CHIC1: variants seen among roughly 807,000 people sequenced by gnomAD.
The protein encoded by CHIC1 is cysteine-rich hydrophobic domain-containing protein 1.
Under a neutral mutation model 18.5 loss-of-function variants are expected in CHIC1, and 7 were observed. That is an observed-to-expected ratio of 0.38 (90% CI 0.22 to 0.71). The LOEUF (loss-of-function observed/expected upper bound fraction) is 0.71. Among genes scored for constraint, CHIC1 ranks in the 30% least tolerant of loss-of-function variants. The pLI, the probability that CHIC1 is intolerant of heterozygous loss-of-function variation, is 0.49. For synonymous variants in CHIC1, 77 were observed against 73.5 expected (o/e 1.05, Z -0.25); for missense variants, 159 against 176.9 (o/e 0.90, Z 0.57).
chrX:73,651,748 C>G (rs921432691), intron 3 of CHIC1, among the ~76,000 whole-genome samples: 2 of 111,395 alleles, frequency 1.8e-5, no homozygotes, highest in South Asian at 3.7e-4. Context: ...AGGACACAAA[C>G]AAATGGAAAA....
intron 3 of CHIC1, among the ~76,000 whole-genome samples, chrX:73,600,328 CT>C (rs2057638012): frequency 1.0e-5 from 1 of 95,827 alleles, no homozygotes; most frequent in Admixed American, 1.1e-4. Flanking sequence ...CCTTTATTTC[CT>C]TCTCCTGCCT....
At chrX:73,672,496 G>C (rs1186919746) in intron 3 of CHIC1, among the ~76,000 whole-genome samples, 1 of 112,291 alleles carries the variant, frequency 8.9e-6, no homozygotes, top group African/African-American at 3.2e-5. Flanking sequence ...TTGTGGTTTT[G>C]ATTTGCATTT....
chrX:73,668,936 G>C (rs2058017236), intron 3 of CHIC1, among the ~76,000 whole-genome samples: 1 of 112,832 alleles, frequency 8.9e-6, no homozygotes, highest in Non-Finnish European at 1.9e-5. Context: ...CCACAGGCTA[G>C]ACCAGCTGAT....
chrX:73,652,091 A>G (rs183083144), intron 3 of CHIC1, among the ~76,000 whole-genome samples: 154 of 111,585 alleles, frequency 1.4e-3, no homozygotes, highest in African/African-American at 4.7e-3. Context: ...CACATCTACA[A>G]CCATCCATTC....
intron 3 of CHIC1, among the ~76,000 whole-genome samples, chrX:73,653,055 G>GA (rs1295791440): frequency 9.0e-6 from 1 of 111,652 alleles, no homozygotes; most frequent in African/African-American, 3.2e-5. Context: ...GCCATAAAAA[G>GA]AGATTATTTC....
intron 3 of CHIC1, among the ~76,000 whole-genome samples, chrX:73,658,836 C>T (rs1333721771): frequency 8.9e-6 from 1 of 112,024 alleles, no homozygotes; most frequent in Non-Finnish European, 1.9e-5. Context: ...ATTTTATCTT[C>T]GTTCTCATTT....
chrX:73,677,147 G>A (rs68013756), intron 3 of CHIC1, among the ~76,000 whole-genome samples: 1 of 111,573 alleles, frequency 9.0e-6, no homozygotes, highest in Admixed American at 9.5e-5. Flanking sequence ...CCCCTACTGG[G>A]GTGTGCCTCC....
intron 3 of CHIC1, among the ~76,000 whole-genome samples, chrX:73,621,555 A>G (rs1338633395): frequency 8.9e-6 from 1 of 112,279 alleles, no homozygotes; most frequent in Non-Finnish European, 1.9e-5. Flanking sequence ...TTGTATGCTG[A>G]GACTTTCCTG....
At chrX:73,622,388 T>C (rs2057764452) in intron 3 of CHIC1, among the ~76,000 whole-genome samples, 1 of 111,791 alleles carries the variant, frequency 8.9e-6, no homozygotes, top group Non-Finnish European at 1.9e-5. Flanking sequence ...TATTGGTCTA[T>C]TCAGGGATTC....
At chrX:73,588,146 A>C (rs2057562065) in intron 3 of CHIC1, among the ~76,000 whole-genome samples, 1 of 111,364 alleles carries the variant, frequency 9.0e-6, no homozygotes, top group African/African-American at 3.3e-5. Context: ...AAGTTAACTC[A>C]TATTAAGAGA....
chrX:73,660,636 C>T (rs190092066), intron 3 of CHIC1, among the ~76,000 whole-genome samples: 1 of 111,521 alleles, frequency 9.0e-6, no homozygotes, highest in East Asian at 2.8e-4. Flanking sequence ...ATGTCCAGGG[C>T]TTGTGTCGTC....
At chrX:73,566,960 A>G (rs1033130294) in intron 1 of CHIC1, among the ~76,000 whole-genome samples, 5 of 112,054 alleles carry the variant, frequency 4.5e-5, no homozygotes, top group Non-Finnish European at 9.4e-5. Flanking sequence ...AATTAATGGT[A>G]TTCAAATTCT....
chrX:73,584,298 A>G, intron 2 of CHIC1, 119 bp from the exon 3 acceptor site: 1 of 596,576 alleles, frequency 1.7e-6, no homozygotes, highest in Non-Finnish European at 2.5e-6. Flanking sequence ...TTTATGGGGA[A>G]TATATCTATT....
chrX:73,670,043 ACT>A (rs1192468924), intron 3 of CHIC1, among the ~76,000 whole-genome samples: 1 of 110,702 alleles, frequency 9.0e-6, no homozygotes, highest in Non-Finnish European at 1.9e-5. Flanking sequence ...CGGACCCAAG[ACT>A]CTGGTGGCAT....
chrX:73,599,780 T>G (rs1354605918), intron 3 of CHIC1, among the ~76,000 whole-genome samples: 1 of 107,931 alleles, frequency 9.3e-6, no homozygotes, highest in Non-Finnish European at 1.9e-5. Flanking sequence ...GCCTCCAGCT[T>G]TGTTCTTTTG....
At chrX:73,653,939 G>C (rs749222169) in intron 3 of CHIC1, among the ~76,000 whole-genome samples, 1 of 112,278 alleles carries the variant, frequency 8.9e-6, no homozygotes, top group South Asian at 3.6e-4. Flanking sequence ...TGAAAGATTG[G>C]TGACATCTTT....
chrX:73,616,861 G>T (rs972902816), intron 3 of CHIC1, among the ~76,000 whole-genome samples: 1 of 111,905 alleles, frequency 8.9e-6, no homozygotes, highest in African/African-American at 3.2e-5. Flanking sequence ...GCCTGTGATG[G>T]TAGGGGCTTC....
intron 3 of CHIC1, among the ~76,000 whole-genome samples, chrX:73,590,965 C>T (rs2057578802): frequency 9.0e-6 from 1 of 111,115 alleles, no homozygotes; most frequent in Non-Finnish European, 1.9e-5. Context: ...TTGATGATTG[C>T]TGGATCATGT....
At chrX:73,598,692 C>T (rs371557971) in intron 3 of CHIC1, among the ~76,000 whole-genome samples, 232 of 109,599 alleles carry the variant, frequency 2.1e-3, no homozygotes, top group Non-Finnish European at 3.4e-3. Flanking sequence ...TAGTATTCCA[C>T]GGTGTATATG....
Sources: gnomAD v4.1 joint callset for allele counts (sites outside exome capture counted in the v4.1 genomes callset) on GRCh38, gnomAD v4.1.1 for gene constraint, MANE v1.5 for transcripts, NCBI Gene and HGNC (gene_info 2026-07-23, HGNC 2026-07-21) for gene names.